The following ADAMTS19 variants were observed in gnomAD, a reference collection of about 807,000 sequenced individuals.
ADAMTS19 encodes A disintegrin and metalloproteinase with thrombospondin motifs 19.
A neutral mutation model predicts 153.3 loss-of-function variants in ADAMTS19; 93 were observed. That is an observed-to-expected ratio of 0.61 (90% CI 0.51 to 0.72). The LOEUF is 0.72. Among genes scored for constraint, ADAMTS19 ranks in the 30% least tolerant of loss-of-function variants. ADAMTS19 has a pLI of 0.00. For synonymous variants in ADAMTS19, 600 were observed against 556.6 expected, an observed-to-expected ratio of 1.08 and a Z score of -1.10; for missense variants, 1,482 against 1,552.1, an observed-to-expected ratio of 0.95 and a Z score of 0.76.
chr5:129,526,873 G>T (rs886210351), intron 4 of ADAMTS19, among the ~76,000 whole-genome samples: 1 of 151,470 alleles, frequency 6.6e-6, no homozygotes, highest in African/African-American at 2.4e-5. Context: ...TTTTGATAGA[G>T]GTATACTTTT....
chr5:129,568,987 A>C (rs1030843427), intron 7 of ADAMTS19, among the ~76,000 whole-genome samples: 1 of 152,128 alleles, frequency 6.6e-6, no homozygotes, highest in African/African-American at 2.4e-5. Context: ...AATTCATTAG[A>C]TATAAATAGT....
intron 14 of ADAMTS19, among the ~76,000 whole-genome samples, chr5:129,658,377 G>GA (rs1318590344): frequency 0.016 from 2,323 of 148,222 alleles, 213 homozygotes; most frequent in African/African-American, 0.057. Flanking sequence ...AAGAGAGAGA[G>GA]GAAGGAAGGA....
At chr5:129,509,022 A>G in intron 2 of ADAMTS19, 55 bp from the exon 3 acceptor site, 1 of 1,410,764 alleles carries the variant, frequency 7.1e-7, no homozygotes. Flanking sequence ...GAAGAATCTA[A>G]AAGTATTTTT....
chr5:129,497,225 T>A (rs940528677), intron 2 of ADAMTS19, among the ~76,000 whole-genome samples: 2 of 152,020 alleles, frequency 1.3e-5, no homozygotes, highest in Non-Finnish European at 2.9e-5. Flanking sequence ...GAAAAAAAAA[T>A]CAACCTTATA....
At chr5:129,491,012 T>C (rs1468182305) in intron 2 of ADAMTS19, among the ~76,000 whole-genome samples, 4 of 152,186 alleles carry the variant, frequency 2.6e-5, no homozygotes, top group Non-Finnish European at 5.9e-5. Flanking sequence ...CAGTGTTTTT[T>C]CTGAGATGGA....
At chr5:129,550,587 T>C (rs1753054777) in intron 6 of ADAMTS19, among the ~76,000 whole-genome samples, 1 of 133,212 alleles carries the variant, frequency 7.5e-6, no homozygotes, top group African/African-American at 2.5e-5. Flanking sequence ...TATATAGATA[T>C]ATGTATGTAT....
At chr5:129,637,082 T>C (rs1256827500) in intron 10 of ADAMTS19, among the ~76,000 whole-genome samples, 1 of 152,154 alleles carries the variant, frequency 6.6e-6, no homozygotes, top group Non-Finnish European at 1.5e-5. Flanking sequence ...CTCCTTACAC[T>C]GATGTCAAGA....
chr5:129,693,314 T>A (rs1755416598), intron 18 of ADAMTS19, among the ~76,000 whole-genome samples: 1 of 152,182 alleles, frequency 6.6e-6, no homozygotes, highest in East Asian at 1.9e-4. Context: ...TCATTCTTGA[T>A]GCCAGCTGCT....
chr5:129,499,884 A>T (rs1401214823), intron 2 of ADAMTS19, among the ~76,000 whole-genome samples: 1 of 152,088 alleles, frequency 6.6e-6, no homozygotes, highest in Non-Finnish European at 1.5e-5. Flanking sequence ...TTAAAAGGCC[A>T]TTTCTACATC....
intron 3 of ADAMTS19, among the ~76,000 whole-genome samples, chr5:129,519,761 C>T (rs1231649593): frequency 6.6e-6 from 1 of 152,122 alleles, no homozygotes; most frequent in Non-Finnish European, 1.5e-5. Flanking sequence ...CTTGACTCTA[C>T]AGCCAATTTA....
intron 3 of ADAMTS19, among the ~76,000 whole-genome samples, chr5:129,513,927 C>G (rs1403568768): frequency 6.6e-6 from 1 of 151,982 alleles, no homozygotes; most frequent in African/African-American, 2.4e-5. Flanking sequence ...CCCCACCTCC[C>G]CTCAAACTCC....
chr5:129,721,465 A>T (rs1028661551), intron 21 of ADAMTS19, among the ~76,000 whole-genome samples: 4 of 152,138 alleles, frequency 2.6e-5, no homozygotes, highest in African/African-American at 9.7e-5. Flanking sequence ...AACAGTACAC[A>T]CTCACTGATC....
intron 7 of ADAMTS19, among the ~76,000 whole-genome samples, chr5:129,574,397 C>A (rs550806679): frequency 1.3e-5 from 2 of 151,994 alleles, no homozygotes; most frequent in African/African-American, 4.8e-5. Context: ...CACCTATTGA[C>A]TCATCCTCTA....
intron 2 of ADAMTS19, among the ~76,000 whole-genome samples, chr5:129,492,221 G>T (rs1750791411): frequency 6.6e-6 from 1 of 152,188 alleles, no homozygotes; most frequent in African/African-American, 2.4e-5. Flanking sequence ...ATGTGCGGCA[G>T]ATCTCCTGAG....
intron 3 of ADAMTS19, among the ~76,000 whole-genome samples, chr5:129,515,053 C>T (rs1452083258): frequency 1.3e-5 from 2 of 152,022 alleles, no homozygotes; most frequent in African/African-American, 4.8e-5. Flanking sequence ...ACTATCTTTT[C>T]CCCGGTGTAT....
intron 8 of ADAMTS19, among the ~76,000 whole-genome samples, chr5:129,609,658 T>C (rs1751101421): frequency 6.6e-6 from 1 of 152,162 alleles, no homozygotes; most frequent in Admixed American, 6.5e-5. Flanking sequence ...AAGTTAACTT[T>C]CATAATGAGA....
chr5:129,498,902 C>G (rs1751013638), intron 2 of ADAMTS19, among the ~76,000 whole-genome samples: 1 of 150,744 alleles, frequency 6.6e-6, no homozygotes, highest in Non-Finnish European at 1.5e-5. Context: ...GTCTGTCCTT[C>G]CCTCATCATC....
chr5:129,647,028 A>G (rs1194212609), intron 11 of ADAMTS19, among the ~76,000 whole-genome samples: 1 of 152,170 alleles, frequency 6.6e-6, no homozygotes, highest in Non-Finnish European at 1.5e-5. Context: ...AAAAAATAAA[A>G]TAAAAATAAA....
chr5:129,737,297 C>A lies in ADAMTS19; in HGVS notation c.*79C>A. On this transcript the variant is annotated 3_prime_UTR_variant, in exon 23 of 23. Transcript: ENST00000274487. ...ACACACACTAGCATGTTTTTCAGAC[C>A]AAATATTATCAGATTACATATAATT... is the stretch of plus-strand genomic sequence containing the variant. 1 of 1,263,420 alleles carries A rather than the reference C, an allele frequency of 7.9e-7. No homozygotes were observed. Among genetic ancestry groups the A allele is most frequent in the Non-Finnish European group, 1.0e-6 (1 of 958,278 alleles). 78.3% of individuals were successfully genotyped at this position (1,263,420 alleles called of 1,614,324 possible). A position where few individuals can be genotyped will look rare whatever the true frequency, so the allele number is the denominator to read the frequency against.
Sources: gnomAD v4.1 joint callset for allele counts (sites outside exome capture counted in the v4.1 genomes callset) on GRCh38, gnomAD v4.1.1 for gene constraint, MANE v1.5 for transcripts, NCBI Gene and HGNC (gene_info 2026-07-23, HGNC 2026-07-21) for gene names.